The following C8orf34 variants were observed in gnomAD, a reference collection of about 807,000 sequenced individuals.
C8orf34 encodes the protein chromosome 8 open reading frame 34, also known as uncharacterized protein C8orf34.
Under a neutral mutation model 68.3 loss-of-function variants are expected in C8orf34, and 65 were observed. The ratio of observed to expected loss-of-function variants is 0.95; its 90% CI spans 0.78 to 1.17. The LOEUF is 1.17. C8orf34 is among the 50% of genes most tolerant of loss of function. The probability of loss-of-function intolerance (pLI) is 0.00; values close to 1 mark genes in which losing one functional copy is unlikely to be tolerated. For missense variants in C8orf34, 664 were observed against 655.4 expected, an observed-to-expected ratio of 1.01 and a Z score of -0.14; for synonymous variants, 244 against 241.2, an observed-to-expected ratio of 1.01 and a Z score of -0.11.
chr8:68,444,602 G>A (rs1402895529), intron 2 of C8orf34, among the ~76,000 whole-genome samples: 1 of 151,710 alleles, frequency 6.6e-6, no homozygotes, highest in African/African-American at 2.4e-5. Flanking sequence ...GGAACTATTT[G>A]GATTCTTTTC....
At chr8:68,407,301 GA>G (rs1444319297) in intron 1 of C8orf34, among the ~76,000 whole-genome samples, 2 of 151,620 alleles carry the variant, frequency 1.3e-5, no homozygotes, top group Admixed American at 6.6e-5. Context: ...GTTCATGTCT[GA>G]AAATATCCTA....
intron 5 of C8orf34, among the ~76,000 whole-genome samples, chr8:68,510,960 A>G (rs2129633301): frequency 1.3e-5 from 2 of 152,306 alleles, no homozygotes; most frequent in South Asian, 4.1e-4. Flanking sequence ...CAGGGACTGC[A>G]TAGATGAGGG....
At chr8:68,509,955 A>C (rs746317668) in intron 5 of C8orf34, among the ~76,000 whole-genome samples, 10 of 151,682 alleles carry the variant, frequency 6.6e-5, no homozygotes, top group Non-Finnish European at 1.2e-4. Context: ...ATTTCCTAGG[A>C]CTCATTTATG....
chr8:68,716,547 T>C (rs1277047755), intron 9 of C8orf34, among the ~76,000 whole-genome samples: 1 of 152,072 alleles, frequency 6.6e-6, no homozygotes, highest in African/African-American at 2.4e-5. Context: ...TTAAATTATC[T>C]TAGTTATCAG....
chr8:68,748,752 A>G (rs372222419), intron 10 of C8orf34, among the ~76,000 whole-genome samples: 13 of 152,188 alleles, frequency 8.5e-5, no homozygotes, highest in South Asian at 2.1e-4. Context: ...TGCTGGAGAG[A>G]ATGTGGAGAA....
intron 10 of C8orf34, among the ~76,000 whole-genome samples, chr8:68,748,374 A>C (rs1259316733): frequency 1.4e-5 from 2 of 147,646 alleles, no homozygotes; most frequent in African/African-American, 5.1e-5. Flanking sequence ...ACAAAAGCCA[A>C]AATTGACAAA....
At chr8:68,768,820 C>A (rs941755423) in intron 10 of C8orf34, among the ~76,000 whole-genome samples, 2 of 152,092 alleles carry the variant, frequency 1.3e-5, no homozygotes, top group African/African-American at 2.4e-5. Context: ...CATGTTAATA[C>A]CACCAGTTCC....
chr8:68,652,012 G>A (rs902272783), intron 8 of C8orf34, among the ~76,000 whole-genome samples: 1 of 152,122 alleles, frequency 6.6e-6, no homozygotes, highest in Non-Finnish European at 1.5e-5. Flanking sequence ...ACTGAGTTCC[G>A]TGCATTATAA....
chr8:68,642,193 A>G (rs1438773614), intron 8 of C8orf34, among the ~76,000 whole-genome samples: 1 of 152,214 alleles, frequency 6.6e-6, no homozygotes, highest in Non-Finnish European at 1.5e-5. Flanking sequence ...GAAGGTGAAG[A>G]TGGAGGCCTA....
At chr8:68,709,130 A>C in intron 9 of C8orf34, 51 bp downstream of exon 9, 1 of 1,388,246 alleles carries the variant, frequency 7.2e-7, no homozygotes, top group Non-Finnish European at 1.0e-6. Context: ...GCACTTAAAG[A>C]TTAAAGAAGT....
Position 68,818,329 on chromosome 8 carries a change from T to C in C8orf34, c.*83T>C. Reference sequence around the variant, plus strand: ...TGTATAGTTCTAATTTTATTTACTATGTGTAATCATTTAGAGAATGGTTAT... The same window carrying C: ...TGTATAGTTCTAATTTTATTTACTACGTGTAATCATTTAGAGAATGGTTAT... On this transcript the variant is annotated 3_prime_UTR_variant, in exon 14 of 14. Transcript: ENST00000518698. 3 of 1,400,450 alleles carry C rather than the reference T, an allele frequency of 2.1e-6. No individual in the cohort carries two copies. Among genetic ancestry groups the C allele is most frequent in the East Asian group, 2.3e-5 (1 of 43,416 alleles). 86.8% of individuals were successfully genotyped at this position (1,400,450 alleles called of 1,614,324 possible). A position where few individuals can be genotyped will look rare whatever the true frequency, so the allele number is the denominator to read the frequency against.
intron 1 of C8orf34, among the ~76,000 whole-genome samples, chr8:68,368,134 A>C (rs1482746062): frequency 6.6e-6 from 1 of 152,112 alleles, no homozygotes; most frequent in Non-Finnish European, 1.5e-5. Context: ...AGGTGAACAC[A>C]GTTTGTAGGG....
At chr8:68,736,561 C>A (rs912963051) in intron 10 of C8orf34, among the ~76,000 whole-genome samples, 1 of 151,990 alleles carries the variant, frequency 6.6e-6, no homozygotes, top group Non-Finnish European at 1.5e-5. Context: ...TGATTATTAA[C>A]ACTAGAATAT....
chr8:68,494,462 G>A (rs1273888160), intron 5 of C8orf34, among the ~76,000 whole-genome samples: 1 of 152,130 alleles, frequency 6.6e-6, no homozygotes, highest in East Asian at 1.9e-4. Context: ...CACAGAGATT[G>A]GCTGCACAAC....
chr8:68,566,623 A>G (rs1816597654), intron 7 of C8orf34, among the ~76,000 whole-genome samples: 1 of 152,210 alleles, frequency 6.6e-6, no homozygotes, highest in South Asian at 2.1e-4. Flanking sequence ...GAAGAGAGTT[A>G]GGCCTTTATA....
At chr8:68,807,062 T>G (rs1487523870) in intron 12 of C8orf34, among the ~76,000 whole-genome samples, 1 of 152,192 alleles carries the variant, frequency 6.6e-6, no homozygotes, top group Non-Finnish European at 1.5e-5. Context: ...CATGCACCTC[T>G]CCATGAAATA....
chr8:68,424,342 A>G (rs753706376), intron 1 of C8orf34, among the ~76,000 whole-genome samples: 10 of 152,186 alleles, frequency 6.6e-5, no homozygotes, highest in Non-Finnish European at 1.5e-4. Context: ...ACTGACTACT[A>G]AAATAAATGA....
chr8:68,605,986 TCTCTGTA>T (rs754367964), intron 7 of C8orf34, among the ~76,000 whole-genome samples: 33 of 152,130 alleles, frequency 2.2e-4, no homozygotes, highest in Non-Finnish European at 4.9e-4. Flanking sequence ...ACACAGGGAA[TCTCTGTA>T]CTTTCTGCTC....
chr8:68,483,023 T>C (rs749492986), intron 4 of C8orf34, among the ~76,000 whole-genome samples: 1 of 152,202 alleles, frequency 6.6e-6, no homozygotes, highest in Non-Finnish European at 1.5e-5. Context: ...GGAGAAATAG[T>C]ACTATTTTAT....
Sources: allele counts gnomAD v4.1 joint callset (sites outside exome capture counted in the v4.1 genomes callset), GRCh38; gene constraint gnomAD v4.1.1; transcripts MANE v1.5; gene names NCBI Gene and HGNC (gene_info 2026-07-23, HGNC 2026-07-21).